The following RCL1 variants were observed in gnomAD, a reference collection of about 807,000 sequenced individuals.
RCL1 encodes RNA terminal phosphate cyclase like 1, also known as RNA 3'-terminal phosphate cyclase-like protein.
Under a neutral mutation model 42.4 loss-of-function variants are expected in RCL1, and 24 were observed. The ratio of observed to expected loss-of-function variants is 0.57; its 90% confidence interval spans 0.41 to 0.80. RCL1 has a LOEUF of 0.80. RCL1 is among the 30% of genes least tolerant of loss of function. The pLI, the probability that RCL1 is intolerant of heterozygous loss-of-function variation, is 0.00. For synonymous variants in RCL1, 228 were observed against 177.3 expected (o/e 1.29, Z -2.27); for missense variants, 578 against 467.9 (o/e 1.24, Z -2.17).
intron 1 of RCL1, among the ~76,000 whole-genome samples, chr9:4,822,069 A>G (rs1053241280): frequency 6.6e-6 from 1 of 152,196 alleles, no homozygotes; most frequent in African/African-American, 2.4e-5. Context: ...TTTATTAACC[A>G]TTGTTATTTG....
At chr9:4,846,030 G>T (rs1000615245) in intron 7 of RCL1, among the ~76,000 whole-genome samples, 3 of 152,160 alleles carry the variant, frequency 2.0e-5, no homozygotes, top group African/African-American at 7.2e-5. Flanking sequence ...TTTGCCACTG[G>T]TTCAGTTTAT....
chr9:4,845,426 C>A (rs1364512451), intron 7 of RCL1, among the ~76,000 whole-genome samples: 1 of 152,188 alleles, frequency 6.6e-6, no homozygotes, highest in Non-Finnish European at 1.5e-5. Context: ...CTCTGTTGAT[C>A]CTTTCATTGC....
At chr9:4,843,868 G>T (rs1817417079) in intron 6 of RCL1, among the ~76,000 whole-genome samples, 1 of 152,124 alleles carries the variant, frequency 6.6e-6, no homozygotes, top group South Asian at 2.1e-4. Context: ...AATTCTCTAG[G>T]TGTCCCATGA....
chr9:4,838,860 A>C (rs1305475244), intron 5 of RCL1, among the ~76,000 whole-genome samples: 1 of 152,212 alleles, frequency 6.6e-6, no homozygotes, highest in Admixed American at 6.5e-5. Context: ...TTGGGATTTG[A>C]ATCTTGGATA....
intron 1 of RCL1, among the ~76,000 whole-genome samples, chr9:4,805,917 G>A (rs1284696850): frequency 6.6e-6 from 1 of 152,004 alleles, no homozygotes; most frequent in Non-Finnish European, 1.5e-5. Context: ...TGTTAGAATT[G>A]TTTGTAAATA....
chr9:4,858,298 GGTT>G (rs1563863510), intron 8 of RCL1, among the ~76,000 whole-genome samples: 1 of 151,954 alleles, frequency 6.6e-6, no homozygotes, highest in Admixed American at 6.6e-5. Context: ...CAATCCTGTA[GGTT>G]GTTTTTTTAC....
rs144281551 is a variant in RCL1, at chr9:4,816,568, A to G, written c.137-6980A>G. Among the ~76,000 whole-genome samples the G allele has an allele frequency of 8.9e-3, 1,351 of 152,212 alleles. 10 individuals carry two copies. Among genetic ancestry groups the G allele is most frequent in the Non-Finnish European group, 0.011 (779 of 68,004 alleles). Reference sequence around the variant, plus strand: ...CCCTGCTTATATAATATTATATTTAATTAATGTTGTTGTTTTCCTTGTGCT... The same window carrying G: ...CCCTGCTTATATAATATTATATTTAGTTAATGTTGTTGTTTTCCTTGTGCT... On this transcript the variant is annotated intron_variant, in intron 1 of 8. Coordinates refer to ENST00000381750, the MANE Select transcript of RCL1 (RefSeq NM_005772.5).
chr9:4,796,761 T>C (rs912649578), intron 1 of RCL1, among the ~76,000 whole-genome samples: 3 of 152,192 alleles, frequency 2.0e-5, no homozygotes, highest in Admixed American at 6.5e-5. Flanking sequence ...ACATTTTCTT[T>C]ATCTAGTCAA....
At chr9:4,831,431 CTTT>C (rs1395455366) in intron 3 of RCL1, among the ~76,000 whole-genome samples, 1 of 152,184 alleles carries the variant, frequency 6.6e-6, no homozygotes, top group Non-Finnish European at 1.5e-5. Flanking sequence ...CTGTATTCTT[CTTT>C]ATCTGGCAAC....
intron 5 of RCL1, among the ~76,000 whole-genome samples, chr9:4,838,196 C>T (rs1817201067): frequency 6.6e-6 from 1 of 152,134 alleles, no homozygotes; most frequent in African/African-American, 2.4e-5. Flanking sequence ...AGAAAGAGGC[C>T]CACTCTCTTG....
At chr9:4,834,773 A>T (rs1018587553) in intron 5 of RCL1, among the ~76,000 whole-genome samples, 3 of 152,232 alleles carry the variant, frequency 2.0e-5, no homozygotes, top group African/African-American at 7.2e-5. Context: ...TTTACTCTGC[A>T]TCTACTTCAG....
At chr9:4,837,887 G>T (rs1312762885) in intron 5 of RCL1, among the ~76,000 whole-genome samples, 2 of 152,178 alleles carry the variant, frequency 1.3e-5, no homozygotes, top group African/African-American at 2.4e-5. Flanking sequence ...ATATATCTCT[G>T]ACTGGTTGAG....
chr9:4,827,369 T>A, intron 3 of RCL1: 2 of 923,734 alleles, frequency 2.2e-6, no homozygotes, highest in East Asian at 2.9e-5. Flanking sequence ...GATCCTGTGG[T>A]AGCTGAGGCT....
In RCL1 at chr9:4,844,428, C is replaced by T. The variant is rs776523148; in HGVS notation, c.711-97C>T. ...CAGAAAGAAGCCTTTGAACACAGTGCCGTCAAAAAAAATGTTTGTCTTCTC... is the reference window on the plus strand; with the variant it reads ...CAGAAAGAAGCCTTTGAACACAGTGTCGTCAAAAAAAATGTTTGTCTTCTC... On this transcript the variant is annotated intron_variant, in intron 6 of 8. Coordinates refer to ENST00000381750, the MANE Select transcript of RCL1 (RefSeq NM_005772.5). 10 of 891,998 alleles carry T rather than the reference C, an allele frequency of 1.1e-5. No homozygotes were observed. The South Asian group carries it at 1.8e-4, about 16-fold the overall frequency. The allele number at this position is 891,998 out of a possible 1,614,324, so 55.3% of individuals were successfully genotyped here.
intron 5 of RCL1, among the ~76,000 whole-genome samples, chr9:4,835,569 G>C (rs772902520): frequency 1.4e-4 from 21 of 152,240 alleles, no homozygotes; most frequent in Non-Finnish European, 2.6e-4. Context: ...GTAACTTGAT[G>C]AAGCGAGAGT....
chr9:4,810,302 T>TATGCC (rs1411707015), intron 1 of RCL1, among the ~76,000 whole-genome samples: 1 of 152,214 alleles, frequency 6.6e-6, no homozygotes, highest in East Asian at 1.9e-4. Context: ...AAAGAAACAG[T>TATGCC]ATGCCAGCAT....
At chr9:4,796,843 C>A (rs1183064887) in intron 1 of RCL1, among the ~76,000 whole-genome samples, 1 of 152,136 alleles carries the variant, frequency 6.6e-6, no homozygotes, top group East Asian at 1.9e-4. Flanking sequence ...CATACAAGTA[C>A]AGGTGCCTTT....
Position 4,827,363 on chromosome 9 carries a change from C to G in RCL1, c.384+330C>G, listed in dbSNP as rs1461496858. On this transcript the variant is annotated intron_variant, in intron 3 of 8. Coordinates refer to ENST00000381750, the MANE Select transcript of RCL1 (RefSeq NM_005772.5). The stretch of plus-strand genomic sequence containing the variant: ...GTGAGAGTGGAGTTTTTGTAAGATC[C>G]TGTGGTAGCTGAGGCTGGAGGGCAG... The G allele has an allele frequency of 1.0e-5, 10 of 957,488 alleles. No homozygotes were observed. In the East Asian group the frequency reaches 2.8e-4, roughly 27 times the overall value. 59.3% of individuals were successfully genotyped at this position (957,488 alleles called of 1,614,324 possible). A position where few individuals can be genotyped will look rare whatever the true frequency, so the allele number is the denominator to read the frequency against.
At chr9:4,824,113 C>T (rs1554638801) in intron 2 of RCL1, among the ~76,000 whole-genome samples, 1 of 152,114 alleles carries the variant, frequency 6.6e-6, no homozygotes, top group Non-Finnish European at 1.5e-5. Context: ...TTTCCAAAGT[C>T]CATTTACTTA....
Sources: gnomAD v4.1 joint callset for allele counts (sites outside exome capture counted in the v4.1 genomes callset) on GRCh38, gnomAD v4.1.1 for gene constraint, MANE v1.5 for transcripts, NCBI Gene and HGNC (gene_info 2026-07-23, HGNC 2026-07-21) for gene names.